Variants in CRYAB observed in about 807,000 individuals in gnomAD.
The protein encoded by CRYAB is alpha-crystallin B chain.
In CRYAB, 9 loss-of-function variants were observed where a neutral mutation model predicts 12.7. The observed-to-expected ratio is 0.71, with a 90% CI of 0.43 to 1.24. CRYAB has a LOEUF of 1.24. Ranked by LOEUF, CRYAB falls within the 50% of genes most tolerant of loss-of-function variation. The probability of loss-of-function intolerance (pLI) is 0.00; values close to 1 mark genes in which losing one functional copy is unlikely to be tolerated. For synonymous variants in CRYAB, 93 were observed against 86.8 expected (o/e 1.07, Z -0.40); for missense variants, 183 against 226.6 (o/e 0.81, Z 1.24).
In CRYAB at chr11:111,910,602, C is replaced by T. The variant is rs1467773505; in HGVS notation, c.202-153G>A. On this transcript the variant is annotated intron_variant, in intron 1 of 2. Transcript: ENST00000650687. ...AAATCTCCTTTTTAAATAAACATAG[C>T]TGTCTGCTTCAGGGAGCCACCACAG... 7.1e-6 allele frequency: 7 copies of T among 982,592 alleles called. No individual in the cohort carries two copies. The African/African-American group carries it at 1.1e-4, about 16-fold the overall frequency. The allele number at this position is 982,592 out of a possible 1,614,324, so 60.9% of individuals were successfully genotyped here.
At position 111,911,718 on chromosome 11, in the gene CRYAB, T is replaced by C. The variant is rs370579035; in HGVS notation, c.7A>G (p.Ile3Val). ...CGGATCCAGGGGTGGTGGATGGCGA[T>C]GTCCATGGTGGCTAGGTGAGTGTGA... is the stretch of plus-strand genomic sequence containing the variant. MDIAIHHPWIRRP... is the reference protein window; with the variant it reads MDVAIHHPWIRRP... Residue 3 changes from isoleucine (I) to valine (V), a missense_variant, in exon 1 of 3, where the codon ATC (isoleucine) becomes GTC (valine). Ile to Val is a conservative substitution (Grantham distance 29). Coordinates refer to ENST00000650687, the MANE Select transcript of CRYAB (RefSeq NM_001289808.2). The C allele has an allele frequency of 3.2e-6, 5 of 1,583,156 alleles. No individual in the cohort carries two copies. The highest frequency in any genetic ancestry group is 1.3e-5 in the African/African-American group (1 of 74,526).
At position 111,911,521 on chromosome 11, in the gene CRYAB, C is replaced by T; in HGVS notation, c.201+3G>A. 6.2e-7 allele frequency: 1 copy of T among 1,607,388 alleles called. No homozygotes were observed. Among genetic ancestry groups the T allele is most frequent in the Non-Finnish European group, 8.5e-7 (1 of 1,177,486 alleles). On this transcript the variant is annotated splice_donor_region_variant and intron_variant, in intron 1 of 2. Coordinates refer to ENST00000650687, the MANE Select transcript of CRYAB (RefSeq NM_001289808.2). The stretch of plus-strand genomic sequence containing the variant: ...CTCCCGTCCTAGCTGTGGGGAGACT[C>T]ACCTCTGAGAGTCCAGTGTCAAACC...
At chr11:111,913,841 C>T, upstream of CRYAB, 1 of 1,613,898 alleles carries the variant, frequency 6.2e-7, no homozygotes, top group South Asian at 1.1e-5. Flanking sequence ...TCTCCCTGCT[C>T]CCTGCGCCTC....
chr11:111,910,239 A>G, intron 2 of CRYAB, 88 bp downstream of exon 2: 1 of 1,536,204 alleles, frequency 6.5e-7, no homozygotes, highest in South Asian at 1.1e-5. Flanking sequence ...ACTGGAATGT[A>G]GCCAGCCTCC....
chr11:111,909,756 C>A (rs1327267920), intron 2 of CRYAB: 4 of 214,982 alleles, frequency 1.9e-5, no homozygotes, highest in South Asian at 1.6e-4. Flanking sequence ...AGAAGAGACA[C>A]GGATTCTTGC....
intron 1 of CRYAB, among the ~76,000 whole-genome samples, chr11:111,922,678 C>T (rs1463291141): frequency 3.3e-5 from 5 of 152,120 alleles, no homozygotes; most frequent in African/African-American, 9.7e-5. Flanking sequence ...ATTGCATATG[C>T]CATTTCTTTA....
intron 1 of CRYAB, among the ~76,000 whole-genome samples, chr11:111,921,686 T>C (rs782489808): frequency 1.3e-5 from 2 of 152,230 alleles, no homozygotes; most frequent in Non-Finnish European, 2.9e-5. Context: ...TCTTTTTTCA[T>C]TACTGATTAG....
At chr11:111,912,866 A>C (rs1555165759), upstream of CRYAB, 3 of 1,608,434 alleles carry the variant, frequency 1.9e-6, no homozygotes, top group Non-Finnish European at 2.5e-6. Context: ...CCACCCGGCC[A>C]CCGCCGAGTA....
At chr11:111,911,843 A>AT, upstream of CRYAB, 1 of 715,482 alleles carries the variant, frequency 1.4e-6, no homozygotes, top group Non-Finnish European at 2.4e-6. Flanking sequence ...CAGGGGTTTT[A>AT]TTATCCTAGC....
upstream of CRYAB, chr11:111,913,210 T>A: frequency 1.7e-6 from 1 of 593,380 alleles, no homozygotes; most frequent in Non-Finnish European, 3.0e-6. Flanking sequence ...TGCCTCCTCC[T>A]CCTCCCCCTC....
intron 2 of CRYAB, chr11:111,909,944 A>G: frequency 1.8e-6 from 1 of 569,780 alleles, no homozygotes; most frequent in Non-Finnish European, 3.1e-6. Flanking sequence ...AAAAATGCTG[A>G]TTTAATTGGT....
intron 2 of CRYAB, chr11:111,909,948 A>C: frequency 1.8e-6 from 1 of 570,784 alleles, no homozygotes; most frequent in Non-Finnish European, 3.1e-6. Flanking sequence ...ATGCTGATTT[A>C]ATTGGTCTGG....
upstream of CRYAB, among the ~76,000 whole-genome samples, chr11:111,915,889 T>TA (rs1555166084): frequency 6.6e-6 from 1 of 152,048 alleles, no homozygotes; most frequent in African/African-American, 2.4e-5. Context: ...ACTACAGGTG[T>TA]GTGCCACCAC....
At chr11:111,919,753 T>A (rs1278558811) in intron 1 of CRYAB, among the ~76,000 whole-genome samples, 1 of 152,126 alleles carries the variant, frequency 6.6e-6, no homozygotes, top group Non-Finnish European at 1.5e-5. Context: ...TCAGAGAAAT[T>A]AACTAACTTG....
At chr11:111,915,490 A>G (rs907221563), upstream of CRYAB, among the ~76,000 whole-genome samples, 4 of 152,264 alleles carry the variant, frequency 2.6e-5, no homozygotes, top group Admixed American at 1.3e-4. Flanking sequence ...TCAACTTTCC[A>G]GAATCTAGTT....
chr11:111,914,093 C>A, upstream of CRYAB: 1 of 595,448 alleles, frequency 1.7e-6, no homozygotes, highest in Non-Finnish European at 2.9e-6. Context: ...AATCTCAGGG[C>A]CTTGTTTGTA....
chr11:111,913,545 C>T (rs782494423), upstream of CRYAB: 2 of 1,614,174 alleles, frequency 1.2e-6, no homozygotes, highest in Non-Finnish European at 1.7e-6. Context: ...GGCCTCCGAG[C>T]TTAGGCTCAG....
intron 1 of CRYAB, among the ~76,000 whole-genome samples, chr11:111,920,445 C>T (rs1007330250): frequency 6.6e-6 from 1 of 151,488 alleles, no homozygotes; most frequent in African/African-American, 2.4e-5. Flanking sequence ...AGCTAAGGCA[C>T]GAGAATCCCT....
chr11:111,909,910 T>G (rs527687388), intron 2 of CRYAB: 1 of 522,764 alleles, frequency 1.9e-6, no homozygotes, highest in African/African-American at 1.9e-5. Flanking sequence ...CCTTAAAAAT[T>G]GCTGATGCCT....
Sources: allele counts gnomAD v4.1 joint callset (sites outside exome capture counted in the v4.1 genomes callset), GRCh38; gene constraint gnomAD v4.1.1; transcripts MANE v1.5; gene names NCBI Gene and HGNC (gene_info 2026-07-23, HGNC 2026-07-21).